The following MPP7 variants were observed in gnomAD, a reference collection of about 807,000 sequenced individuals.
The protein encoded by MPP7 is MAGUK p55 scaffold protein 7.
MPP7 carries 60 observed loss-of-function variants against 76.5 expected under a neutral mutation model. The observed-to-expected ratio is 0.78, with a 90% CI of 0.64 to 0.97. The LOEUF (loss-of-function observed/expected upper bound fraction) is 0.97, where lower values mean the gene tolerates loss of function less well. Ranked by LOEUF, MPP7 falls within the 50% of genes least tolerant of loss-of-function variation. MPP7 has a pLI of 0.00. For missense variants in MPP7, 641 were observed against 694.0 expected (o/e 0.92, Z 0.86); for synonymous variants, 237 against 244.5 (o/e 0.97, Z 0.29).
In MPP7 at chr10:28,051,885, CAAA is replaced by C. The variant is rs11292957; in HGVS notation, c.*2177_*2179del. The stretch of plus-strand genomic sequence containing the variant: ...TGAGCAACATGGCAAGACCCTGTCT[CAAA>C]AAAAAAAAAAAAAGTATACTACCTG... On this transcript the variant is annotated 3_prime_UTR_variant, in exon 17 of 17. Coordinates refer to ENST00000683449, the MANE Select transcript of MPP7 (RefSeq NM_001318170.2). 1.5e-4 allele frequency: 18 copies of C among 118,988 alleles called. No individual in the cohort carries two copies. Among genetic ancestry groups the C allele is most frequent in the Admixed American group, 2.7e-4 (3 of 11,128 alleles). The allele number at this position is 118,988 out of a possible 1,614,324, so 7.4% of individuals were successfully genotyped here.
chr10:28,212,112 C>T (rs1032712287), intron 2 of MPP7, among the ~76,000 whole-genome samples: 4 of 149,464 alleles, frequency 2.7e-5, no homozygotes, highest in Non-Finnish European at 5.9e-5. Flanking sequence ...GACCCTGTCT[C>T]GTAAAAAAAA....
chr10:28,186,033 C>T (rs940447550), intron 3 of MPP7, among the ~76,000 whole-genome samples: 7 of 152,172 alleles, frequency 4.6e-5, no homozygotes, highest in African/African-American at 1.7e-4. Context: ...TAGTCACTTT[C>T]ATGCTGACTT....
At chr10:28,248,281 G>C (rs1331724330) in intron 1 of MPP7, among the ~76,000 whole-genome samples, 1 of 152,116 alleles carries the variant, frequency 6.6e-6, no homozygotes, top group Admixed American at 6.6e-5. Context: ...GGCTAGAAGG[G>C]GAACCTGGCT....
At chr10:28,247,848 C>G (rs1017296543) in intron 1 of MPP7, among the ~76,000 whole-genome samples, 5 of 152,166 alleles carry the variant, frequency 3.3e-5, no homozygotes, top group Non-Finnish European at 5.9e-5. Flanking sequence ...ACTTTAAGAG[C>G]ACTGCATTGT....
At chr10:28,264,124 C>G (rs551929009) in intron 1 of MPP7, among the ~76,000 whole-genome samples, 1 of 152,046 alleles carries the variant, frequency 6.6e-6, no homozygotes, top group South Asian at 2.1e-4. Context: ...TAGGGAGACC[C>G]TGTCTCTACA....
intron 1 of MPP7, among the ~76,000 whole-genome samples, chr10:28,298,569 GA>G (rs1841083310): frequency 6.6e-6 from 1 of 152,224 alleles, no homozygotes; most frequent in African/African-American, 2.4e-5. Flanking sequence ...AGCACAGGCA[GA>G]GTAGATTTTG....
At chr10:28,279,312 C>T (rs1271559052) in intron 1 of MPP7, among the ~76,000 whole-genome samples, 1 of 152,058 alleles carries the variant, frequency 6.6e-6, no homozygotes, top group Non-Finnish European at 1.5e-5. Context: ...TTTCCAAGTC[C>T]TTCCTCAAGT....
intron 16 of MPP7, 30 bp from the exon 17 acceptor site, chr10:28,054,274 G>A: frequency 7.3e-7 from 1 of 1,370,776 alleles, no homozygotes; most frequent in Non-Finnish European, 1.0e-6. Flanking sequence ...AAAAATAATT[G>A]GTTAACCAGG....
At chr10:28,299,701 C>T (rs1841108378) in intron 1 of MPP7, among the ~76,000 whole-genome samples, 1 of 151,716 alleles carries the variant, frequency 6.6e-6, no homozygotes, top group Non-Finnish European at 1.5e-5. Context: ...ATTTCCTTCA[C>T]TTTAAATTCA....
At chr10:28,172,525 G>C (rs1168716033) in intron 3 of MPP7, among the ~76,000 whole-genome samples, 1 of 152,166 alleles carries the variant, frequency 6.6e-6, no homozygotes, top group African/African-American at 2.4e-5. Context: ...GACTCAGACT[G>C]TGGGTGTAAG....
At chr10:28,214,083 G>C (rs1047485028) in intron 2 of MPP7, among the ~76,000 whole-genome samples, 1 of 152,044 alleles carries the variant, frequency 6.6e-6, no homozygotes, top group African/African-American at 2.4e-5. Flanking sequence ...TTTCATTTTT[G>C]CCATATATAT....
At chr10:28,244,554 C>T (rs912396402) in intron 1 of MPP7, among the ~76,000 whole-genome samples, 1 of 152,098 alleles carries the variant, frequency 6.6e-6, no homozygotes, top group Non-Finnish European at 1.5e-5. Context: ...TTTTACAAAT[C>T]CAATGGGGTT....
At position 28,120,812 on chromosome 10, in the gene MPP7, T is replaced by C. The variant is rs138095141; in HGVS notation, c.616-144A>G. On this transcript the variant is annotated intron_variant, in intron 8 of 16. Transcript: ENST00000683449. ...TAGACTAAACGGAGGAAACTATTTTTGTAGAAATTCCTGTAATGTGAGAAA... is the reference window on the plus strand; with the variant it reads ...TAGACTAAACGGAGGAAACTATTTTCGTAGAAATTCCTGTAATGTGAGAAA... The C allele has an allele frequency of 2.2e-3, 1,250 of 563,420 alleles. 11 individuals carry two copies. The highest frequency in any genetic ancestry group is 0.021 in the African/African-American group (1,079 of 52,076). The allele number at this position is 563,420 out of a possible 1,614,324, so 34.9% of individuals were successfully genotyped here. A position where few individuals can be genotyped will look rare whatever the true frequency, so the allele number is the denominator to read the frequency against.
chr10:28,267,959 G>A (rs10826439), intron 1 of MPP7, among the ~76,000 whole-genome samples: 29,777 of 151,868 alleles, frequency 0.2, 3,508 homozygotes, highest in African/African-American at 0.33. Flanking sequence ...TAGCTGGGAC[G>A]TGGGAAGTCG....
chr10:28,274,303 C>T (rs1021571482), intron 1 of MPP7, among the ~76,000 whole-genome samples: 18 of 150,902 alleles, frequency 1.2e-4, no homozygotes, highest in African/African-American at 3.6e-4. Context: ...GGGGTTTCAC[C>T]GGAGCCAGGA....
Position 28,119,647 on chromosome 10 carries a change from T to G in MPP7, c.952+4A>C, listed in dbSNP as rs931949204. 20 of 1,612,324 alleles carry G rather than the reference T, an allele frequency of 1.2e-5. No individual in the cohort carries two copies. Among genetic ancestry groups the G allele is most frequent in the Non-Finnish European group, 1.7e-5 (20 of 1,178,614 alleles). Reference sequence around the variant, plus strand: ...TTTCTCTGCATTCTTATTAACAAACTTACATGATTTCCTGTTGGAAACTTT... The same window carrying G: ...TTTCTCTGCATTCTTATTAACAAACGTACATGATTTCCTGTTGGAAACTTT... On this transcript the variant is annotated splice_donor_region_variant and intron_variant, in intron 11 of 16. Coordinates refer to ENST00000683449, the MANE Select transcript of MPP7 (RefSeq NM_001318170.2).
intron 11 of MPP7, among the ~76,000 whole-genome samples, chr10:28,109,080 G>A (rs1402387556): frequency 6.6e-6 from 1 of 152,198 alleles, no homozygotes; most frequent in Non-Finnish European, 1.5e-5. Context: ...TTGAGGTCAA[G>A]AGTTTGAGAC....
intron 2 of MPP7, among the ~76,000 whole-genome samples, chr10:28,233,973 G>A (rs12268288): frequency 0.02 from 3,092 of 151,134 alleles, 109 homozygotes; most frequent in African/African-American, 0.068. Flanking sequence ...GGAAGGAGGA[G>A]AGAAAAGAGA....
intron 1 of MPP7, among the ~76,000 whole-genome samples, chr10:28,262,227 A>ATG (rs1491566532): frequency 2.5e-3 from 59 of 23,172 alleles, no homozygotes; most frequent in Non-Finnish European, 3.7e-3. Context: ...ATATATATAC[A>ATG]TATATATATA....
Sources: allele counts gnomAD v4.1 joint callset (sites outside exome capture counted in the v4.1 genomes callset), GRCh38; gene constraint gnomAD v4.1.1; transcripts MANE v1.5; gene names NCBI Gene and HGNC (gene_info 2026-07-23, HGNC 2026-07-21).